Variants in HSPA4 observed in about 807,000 individuals in gnomAD.
HSPA4 encodes heat shock protein family A (Hsp70) member 4, also known as heat shock 70 kDa protein 4.
Under a neutral mutation model 106.2 loss-of-function variants are expected in HSPA4, and 25 were observed. The observed-to-expected ratio is 0.24, with a 90% CI of 0.17 to 0.33. HSPA4 has a LOEUF of 0.33. Among genes scored for constraint, HSPA4 ranks in the 10% least tolerant of loss-of-function variants. The pLI, the probability that HSPA4 is intolerant of heterozygous loss-of-function variation, is 1.00. For synonymous variants in HSPA4, 332 were observed against 333.6 expected (o/e 1.00, Z 0.05); for missense variants, 841 against 996.0 (o/e 0.84, Z 2.10).
chr5:133,060,805 G>C (rs1318060346), intron 1 of HSPA4, among the ~76,000 whole-genome samples: 6 of 145,710 alleles, frequency 4.1e-5, no homozygotes, highest in Non-Finnish European at 7.4e-5. Flanking sequence ...GTTCCAGTAG[G>C]TGAAACAGGA....
intron 1 of HSPA4, among the ~76,000 whole-genome samples, chr5:133,055,906 T>C (rs1765154744): frequency 6.6e-6 from 1 of 152,018 alleles, no homozygotes; most frequent in Admixed American, 6.6e-5. Context: ...GCTGGAACCC[T>C]GTCTCTACTA....
chr5:133,089,137 A>G lies in HSPA4; in HGVS notation c.1220A>G (p.Asn407Ser). 1 of 1,594,360 alleles carries G rather than the reference A, an allele frequency of 6.3e-7. No homozygotes were observed. Among genetic ancestry groups the G allele is most frequent in the Non-Finnish European group, 8.6e-7 (1 of 1,168,040 alleles). ...CCATATCCAATATCTCTGAGATGGA[A>G]TTCTCCAGCTGAAGAAGGGTCAAGG... is the stretch of plus-strand genomic sequence containing the variant. ...VVPYPISLRW[N>S]SPAEEGSSDC... Residue 407 changes from asparagine to serine, a missense_variant, in exon 10 of 19, where the codon AAT becomes AGT. This residue lies in a region of HSPA4 where 162 missense variants were observed against 177.7 expected (regional missense o/e 0.91). Transcript: ENST00000304858.
At chr5:133,062,760 C>A (rs1012216425) in intron 1 of HSPA4, among the ~76,000 whole-genome samples, 5 of 152,040 alleles carry the variant, frequency 3.3e-5, no homozygotes, top group African/African-American at 9.7e-5. Context: ...TTTGTTCTTC[C>A]TGTCATTTAA....
At chr5:133,058,539 G>A (rs535537552) in intron 1 of HSPA4, among the ~76,000 whole-genome samples, 33 of 152,134 alleles carry the variant, frequency 2.2e-4, no homozygotes, top group African/African-American at 8.0e-4. Flanking sequence ...TTAGCTGGGT[G>A]TGGTGGTGCA....
intron 12 of HSPA4, 145 bp downstream of exon 12, chr5:133,091,519 A>G (rs1765647237): frequency 1.7e-6 from 1 of 589,130 alleles, no homozygotes; most frequent in Non-Finnish European, 3.0e-6. Flanking sequence ...TTCCCCCAAT[A>G]TAAGTGAACC....
intron 7 of HSPA4, among the ~76,000 whole-genome samples, chr5:133,078,276 G>A (rs1272504790): frequency 1.3e-5 from 2 of 151,570 alleles, no homozygotes; most frequent in Non-Finnish European, 2.9e-5. Context: ...AGCTTGCAGT[G>A]AGCTGAGATC....
chr5:133,092,664 T>C, intron 12 of HSPA4, 36 bp from the exon 13 acceptor site: 1 of 1,361,378 alleles, frequency 7.3e-7, no homozygotes, highest in Non-Finnish European at 1.1e-6. Context: ...TGTTTAGTCT[T>C]CCTAATTGCA....
At chr5:133,059,248 G>A (rs1242710904) in intron 1 of HSPA4, among the ~76,000 whole-genome samples, 1 of 151,820 alleles carries the variant, frequency 6.6e-6, no homozygotes, top group African/African-American at 2.4e-5. Flanking sequence ...AGGAGTTTGA[G>A]ACCAGCCTGG....
In HSPA4 at chr5:133,092,748, C is replaced by G; in HGVS notation, c.1609C>G (p.Gln537Glu). 6.2e-7 allele frequency: 1 copy of G among 1,609,394 alleles called. No individual in the cohort carries two copies. Residue 537 changes from glutamine (Q) to glutamate (E), a missense_variant, in exon 13 of 19, where the codon CAG becomes GAG. Gln to Glu is a conservative substitution (Grantham distance 29). Around this residue, in one of 5 missense-constraint regions of HSPA4, gnomAD observed 328 missense variants for 372.2 expected, o/e 0.88. Coordinates refer to ENST00000304858, the MANE Select transcript of HSPA4 (RefSeq NM_002154.4). Reference protein sequence around the residue: ...EEPHVEEQQQQTPAENKAESE... With the variant: ...EEPHVEEQQQETPAENKAESE... ...ACCACATGTTGAAGAGCAACAGCAG[C>G]AGACACCAGCAGAAAATAAGGCAGA...
In HSPA4 at chr5:133,104,825, C is replaced by A. The variant is rs539253680; in HGVS notation, c.*389C>A. The A allele has an allele frequency of 4.8e-6, 1 of 206,586 alleles. No homozygotes were observed. Among genetic ancestry groups the A allele is most frequent in the South Asian group, 7.2e-5 (1 of 13,894 alleles). The allele number at this position is 206,586 out of a possible 1,614,324, so 12.8% of individuals were successfully genotyped here. Reference sequence around the variant, plus strand: ...GGAGCTCTAATTATGCTTTAAAAATCTGTTGTGGAGATTGCTTTAAATGCT... The same window carrying A: ...GGAGCTCTAATTATGCTTTAAAAATATGTTGTGGAGATTGCTTTAAATGCT... On this transcript the variant is annotated 3_prime_UTR_variant, in exon 19 of 19. Transcript: ENST00000304858.
intron 2 of HSPA4, among the ~76,000 whole-genome samples, chr5:133,065,507 T>G (rs571987344): frequency 6.6e-6 from 1 of 152,334 alleles, no homozygotes; most frequent in Non-Finnish European, 1.5e-5. Context: ...CAGGAACCAC[T>G]GCTTCAGTGA....
intron 3 of HSPA4, among the ~76,000 whole-genome samples, chr5:133,069,667 A>T (rs1259682141): frequency 6.6e-6 from 1 of 152,214 alleles, no homozygotes; most frequent in Non-Finnish European, 1.5e-5. Flanking sequence ...TTGAATCCTA[A>T]TTGTGGAGAT....
At chr5:133,053,328 CTTTTTT>C (rs58722769) in intron 1 of HSPA4, among the ~76,000 whole-genome samples, 5 of 129,234 alleles carry the variant, frequency 3.9e-5, no homozygotes, top group South Asian at 2.4e-4. Context: ...GGTCTCTCTT[CTTTTTT>C]TTTTTTTTTT....
In HSPA4 at chr5:133,102,913, C is replaced by CTTTTTTTTTTTTTTTTTTTTT. The variant is rs533273263; in HGVS notation, c.2158-935_2158-934insTTTTTTTTTTTTTTTTTTTTT. Among the ~76,000 whole-genome samples, 126 of 103,292 alleles carry CTTTTTTTTTTTTTTTTTTTTT rather than the reference C, an allele frequency of 1.2e-3. 9 individuals are homozygous for CTTTTTTTTTTTTTTTTTTTTT. The highest frequency in any genetic ancestry group is 2.0e-3 in the Admixed American group (20 of 10,116). The allele number at this position is 103,292 out of a possible 152,430, so 67.8% of individuals were successfully genotyped here. On this transcript the variant is annotated intron_variant, in intron 17 of 18. Transcript: ENST00000304858. The stretch of plus-strand genomic sequence containing the variant: ...TACCACCACACCCAACTAGGGTTGT[C>CTTTTTTTTTTTTTTTTTTTTT]TTTTTTTTTTTTTTTTTGAGATGGC...
chr5:133,092,816 T>C lies in HSPA4; in HGVS notation c.1650+27T>C, dbSNP rs770989563. The C allele has an allele frequency of 1.9e-3, 1,858 of 953,106 alleles. 44 individuals are homozygous for C. Among genetic ancestry groups the C allele is most frequent in the South Asian group, 3.8e-3 (224 of 59,558 alleles). The allele number at this position is 953,106 out of a possible 1,614,324, so 59.0% of individuals were successfully genotyped here. Reference sequence around the variant, plus strand: ...TATGCATTGGGTGGTGTTTTTTTTTTTTTTTTTTTTTTTTTTTTTTTTGAG... The same window carrying C: ...TATGCATTGGGTGGTGTTTTTTTTTCTTTTTTTTTTTTTTTTTTTTTTGAG... On this transcript the variant is annotated intron_variant, in intron 13 of 18. Coordinates refer to ENST00000304858, the MANE Select transcript of HSPA4 (RefSeq NM_002154.4).
intron 11 of HSPA4, among the ~76,000 whole-genome samples, chr5:133,090,430 CAAAAAAAAA>C (rs56263518): frequency 2.6e-3 from 145 of 54,888 alleles, no homozygotes; most frequent in Middle Eastern, 0.024. Context: ...GACTCTGTCT[CAAAAAAAAA>C]AAAAAAAAAA....
rs1765860126 is a variant in HSPA4, at chr5:133,106,149, T to TGG, written c.*1714_*1715insGG. 9.9e-6 allele frequency: 1 copy of TGG among 101,318 alleles called. No homozygotes were observed. The highest frequency in any genetic ancestry group is 1.8e-5 in the Non-Finnish European group (1 of 54,446). The allele number at this position is 101,318 out of a possible 1,614,324, so 6.3% of individuals were successfully genotyped here. Reference sequence around the variant, plus strand: ...TTTTTTTTTTTTTTTTTGGTGTGTGTGTGTGTGTGTGTGGGGAAGGGTGTG... The same window carrying TGG: ...TTTTTTTTTTTTTTTTTGGTGTGTGTGGGTGTGTGTGTGTGGGGAAGGGTGTG... On this transcript the variant is annotated 3_prime_UTR_variant, in exon 19 of 19. Transcript: ENST00000304858.
intron 1 of HSPA4, among the ~76,000 whole-genome samples, chr5:133,062,681 C>T (rs1363511410): frequency 1.3e-5 from 2 of 152,132 alleles, no homozygotes. Context: ...AGGGGCTACT[C>T]CCAGCACTTT....
rs565055573 is a variant in HSPA4, at chr5:133,057,635, TAAGAA to T, written c.107+5282_107+5286del. Among the ~76,000 whole-genome samples, 12 of 152,310 alleles carry T rather than the reference TAAGAA, an allele frequency of 7.9e-5. No individual in the cohort carries two copies. In the East Asian group the frequency reaches 2.1e-3, roughly 27 times the overall value. ...TAAATATTCGGTCAGTAGTTTCTTT[TAAGAA>T]AAGGAAAACAGTGATATTGTCTGGC... is the stretch of plus-strand genomic sequence containing the variant. On this transcript the variant is annotated intron_variant, in intron 1 of 18. Coordinates refer to ENST00000304858, the MANE Select transcript of HSPA4 (RefSeq NM_002154.4).
Sources: gnomAD v4.1 joint callset for allele counts (sites outside exome capture counted in the v4.1 genomes callset) on GRCh38, gnomAD v4.1.1 for gene constraint, gnomAD v4.1.1 regional missense constraint, MANE v1.5 for transcripts, NCBI Gene and HGNC (gene_info 2026-07-23, HGNC 2026-07-21) for gene names.